ARHGAP20: variants seen among roughly 807,000 people sequenced by gnomAD.
ARHGAP20 encodes rho GTPase-activating protein 20.
In ARHGAP20, 34 loss-of-function variants were observed where a neutral mutation model predicts 73.7. The ratio of observed to expected loss-of-function variants is 0.46; its 90% CI spans 0.35 to 0.61. The LOEUF (loss-of-function observed/expected upper bound fraction) is 0.61. Among genes scored for constraint, ARHGAP20 ranks in the 20% least tolerant of loss-of-function variants. ARHGAP20 has a pLI of 0.00. For missense variants in ARHGAP20, 1,314 were observed against 1,420.9 expected (o/e 0.92, Z 1.21); for synonymous variants, 523 against 518.2 (o/e 1.01, Z -0.13).
chr11:110,704,375 T>C (rs1231483297), intron 1 of ARHGAP20, among the ~76,000 whole-genome samples: 1 of 152,142 alleles, frequency 6.6e-6, no homozygotes, highest in African/African-American at 2.4e-5. Flanking sequence ...CACACACAAG[T>C]GACCAGACAT....
intron 1 of ARHGAP20, 22 bp downstream of exon 1, chr11:110,712,105 G>A (rs1591203178): frequency 1.5e-6 from 2 of 1,297,494 alleles, no homozygotes; most frequent in Non-Finnish European, 2.0e-6. Flanking sequence ...GGAGGGCACG[G>A]GCCCCCGCTC....
At chr11:110,702,447 T>C (rs562267851) in intron 1 of ARHGAP20, among the ~76,000 whole-genome samples, 113 of 152,012 alleles carry the variant, frequency 7.4e-4, no homozygotes, top group African/African-American at 2.3e-3. Context: ...TGGGCAAAAA[T>C]TGGAAGCATT....
chr11:110,588,709 C>T (rs1017727298), intron 11 of ARHGAP20, among the ~76,000 whole-genome samples: 1 of 152,130 alleles, frequency 6.6e-6, no homozygotes, highest in Non-Finnish European at 1.5e-5. Flanking sequence ...TTTGCAATAG[C>T]ATCAATAGTT....
intron 1 of ARHGAP20, chr11:110,691,029 G>A (rs921670509): frequency 2.0e-6 from 3 of 1,504,640 alleles, no homozygotes; most frequent in African/African-American, 1.4e-5. Context: ...TTATTTCACA[G>A]GCAAATTTGG....
chr11:110,608,639 C>T (rs1948289808), intron 8 of ARHGAP20, among the ~76,000 whole-genome samples: 1 of 152,040 alleles, frequency 6.6e-6, no homozygotes, highest in Non-Finnish European at 1.5e-5. Flanking sequence ...AATTAAAAAA[C>T]TGAATATGAA....
At chr11:110,643,789 A>C (rs764649125) in intron 2 of ARHGAP20, among the ~76,000 whole-genome samples, 1 of 151,982 alleles carries the variant, frequency 6.6e-6, no homozygotes, top group Non-Finnish European at 1.5e-5. Context: ...GTCAAGTGTC[A>C]AGTTTAAATT....
Position 110,579,527 on chromosome 11 carries a change from T to C in ARHGAP20, c.3419A>G (p.His1140Arg), listed in dbSNP as rs143687742. The stretch of plus-strand genomic sequence containing the variant: ...CTGACTACCAGGCTCTATTTCCTCA[T>C]GTGACTTCATGCACAGCTTAAGTCT... ...ESRLKLCMKS[H>R]EEIEPGSQSS... The change falls in exon 15 of 15, where the codon CAT (histidine) becomes CGT (arginine). Residue 1140 changes from histidine to arginine, a missense_variant. His to Arg is a conservative substitution (Grantham distance 29). This residue lies in a region of ARHGAP20 where 641 missense variants were observed against 636.9 expected (regional missense o/e 1.01). Transcript: ENST00000683387. 1.4e-5 allele frequency: 23 copies of C among 1,614,082 alleles called. No homozygotes were observed. The highest frequency in any genetic ancestry group is 1.9e-5 in the Non-Finnish European group (22 of 1,180,040).
chr11:110,686,759 T>G lies in ARHGAP20; in HGVS notation c.188+3788A>C, dbSNP rs200226570. 5.3e-5 allele frequency among the ~76,000 whole-genome samples: 8 copies of G among 152,060 alleles called. No homozygotes were observed. The East Asian group carries it at 1.5e-3, about 29-fold the overall frequency. ...CAGAATTAACTATGGATTTGAAAAATATGCTGATATCTGTATCCCACTCCA... is the reference window on the plus strand; with the variant it reads ...CAGAATTAACTATGGATTTGAAAAAGATGCTGATATCTGTATCCCACTCCA... On this transcript the variant is annotated intron_variant, in intron 2 of 14. Coordinates refer to ENST00000683387, the MANE Select transcript of ARHGAP20 (RefSeq NM_001384657.1).
intron 2 of ARHGAP20, among the ~76,000 whole-genome samples, chr11:110,684,318 A>ACC (rs1950091736): frequency 6.6e-6 from 1 of 152,106 alleles, no homozygotes; most frequent in Non-Finnish European, 1.5e-5. Context: ...CTTTAAAGTA[A>ACC]CAGTATTCAG....
intron 3 of ARHGAP20, among the ~76,000 whole-genome samples, chr11:110,628,706 T>A (rs1192165412): frequency 1.3e-5 from 2 of 152,180 alleles, no homozygotes; most frequent in African/African-American, 4.8e-5. Context: ...ATTGATAGAA[T>A]TTTTTTCACT....
chr11:110,660,067 A>AAAAAAAAACAAAAC (rs1949571663), intron 2 of ARHGAP20, among the ~76,000 whole-genome samples: 1 of 150,958 alleles, frequency 6.6e-6, no homozygotes, highest in African/African-American at 2.5e-5. Context: ...AAAACAAAAA[A>AAAAAAAAACAAAAC]AAAAAAAAAA....
Position 110,578,444 on chromosome 11 carries a change from T to C in ARHGAP20, c.*926A>G. 1 of 985,444 alleles carries C rather than the reference T, an allele frequency of 1.0e-6. No homozygotes were observed. Among genetic ancestry groups the C allele is most frequent in the Non-Finnish European group, 1.2e-6 (1 of 829,936 alleles). The allele number at this position is 985,444 out of a possible 1,614,324, so 61.0% of individuals were successfully genotyped here. On this transcript the variant is annotated 3_prime_UTR_variant, in exon 15 of 15. Transcript: ENST00000683387. ...ACTGTGCAGAAACATTTCAGCAAAG[T>C]GATGCCATGGTTTGATCACATTTTA...
At chr11:110,646,438 T>C (rs1591133753) in intron 2 of ARHGAP20, among the ~76,000 whole-genome samples, 1 of 152,112 alleles carries the variant, frequency 6.6e-6, no homozygotes, top group Admixed American at 6.6e-5. Context: ...TAAGACATCT[T>C]CTTAAAGCAA....
chr11:110,583,031 C>T (rs1475204577), intron 13 of ARHGAP20, among the ~76,000 whole-genome samples: 2 of 152,166 alleles, frequency 1.3e-5, no homozygotes, highest in African/African-American at 4.8e-5. Flanking sequence ...TTCCCTTGCC[C>T]CAGTAGCTGA....
At chr11:110,630,823 A>T in intron 2 of ARHGAP20, 31 bp from the exon 3 acceptor site, 4 of 1,601,346 alleles carry the variant, frequency 2.5e-6, no homozygotes, top group Non-Finnish European at 3.4e-6. Flanking sequence ...CAGATCAGTC[A>T]AACGATCATC....
intron 2 of ARHGAP20, among the ~76,000 whole-genome samples, chr11:110,662,806 A>G (rs1033921940): frequency 6.6e-6 from 1 of 151,922 alleles, no homozygotes; most frequent in Non-Finnish European, 1.5e-5. Context: ...AAAGACTTGG[A>G]AATGATGAAC....
At position 110,577,237 on chromosome 11, in the gene ARHGAP20, AG is replaced by A. The variant is rs951548388; in HGVS notation, c.*2132del. ...ATATTATACAAACTCAAAGCATTTT[AG>A]ATAAAGCATCAGTCTAATATATTAT... On this transcript the variant is annotated 3_prime_UTR_variant, in exon 15 of 15. Coordinates refer to ENST00000683387, the MANE Select transcript of ARHGAP20 (RefSeq NM_001384657.1). The A allele has an allele frequency of 8.7e-5, 130 of 1,492,092 alleles. No individual in the cohort carries two copies. The Middle Eastern group carries it at 1.2e-3, about 14-fold the overall frequency. 92.4% of individuals were successfully genotyped at this position (1,492,092 alleles called of 1,614,324 possible). A position where few individuals can be genotyped will look rare whatever the true frequency, so the allele number is the denominator to read the frequency against.
At chr11:110,699,574 G>C (rs1404332904) in intron 1 of ARHGAP20, among the ~76,000 whole-genome samples, 1 of 151,918 alleles carries the variant, frequency 6.6e-6, no homozygotes, top group African/African-American at 2.4e-5. Context: ...TTATGAATCT[G>C]GGTGTTCTGG....
chr11:110,684,577 CA>C (rs1950096111), intron 2 of ARHGAP20, among the ~76,000 whole-genome samples: 2 of 151,770 alleles, frequency 1.3e-5, no homozygotes, highest in African/African-American at 4.8e-5. Flanking sequence ...GATATCTAAA[CA>C]AAGGAAAAAA....
Sources: gnomAD v4.1 joint callset for allele counts (sites outside exome capture counted in the v4.1 genomes callset) on GRCh38, gnomAD v4.1.1 for gene constraint, gnomAD v4.1.1 regional missense constraint, MANE v1.5 for transcripts, NCBI Gene and HGNC (gene_info 2026-07-23, HGNC 2026-07-21) for gene names.